Variants in DLGAP2 observed in about 807,000 individuals in gnomAD.
DLGAP2 encodes the protein DLG associated protein 2, also known as disks large-associated protein 2.
A neutral mutation model predicts 100.3 loss-of-function variants in DLGAP2; 26 were observed. The observed-to-expected ratio is 0.26, with a 90% CI of 0.19 to 0.36. The LOEUF is 0.36. Among genes scored for constraint, DLGAP2 ranks in the 10% least tolerant of loss-of-function variants. DLGAP2 has a pLI of 1.00. For missense variants in DLGAP2, 1,858 were observed against 1,453.2 expected (o/e 1.28, Z -4.53); for synonymous variants, 886 against 630.1 (o/e 1.41, Z -6.08).
intron 3 of DLGAP2, among the ~76,000 whole-genome samples, chr8:1,444,788 T>A (rs1178465774): frequency 1.4e-5 from 2 of 146,766 alleles, no homozygotes; most frequent in African/African-American, 2.5e-5. Flanking sequence ...TTTTTTTTTT[T>A]TTTTTTTTGA....
At chr8:1,310,764 TCTC>T (rs1456382571) in intron 3 of DLGAP2, among the ~76,000 whole-genome samples, 1 of 152,094 alleles carries the variant, frequency 6.6e-6, no homozygotes, top group Non-Finnish European at 1.5e-5. Flanking sequence ...TTCAGGCAAT[TCTC>T]CTGCCTCAGC....
chr8:1,019,642 G>A (rs1801572622), intron 2 of DLGAP2: 1 of 149,386 alleles, frequency 6.7e-6, no homozygotes, highest in Non-Finnish European at 1.5e-5. Flanking sequence ...CTTATTCATT[G>A]GAGCTTGAAT....
intron 1 of DLGAP2, among the ~76,000 whole-genome samples, chr8:806,409 C>T (rs555202278): frequency 1.3e-5 from 2 of 152,346 alleles, no homozygotes; most frequent in East Asian, 1.9e-4. Context: ...GCGTGCGCGT[C>T]TCTGGACTGG....
At chr8:1,507,061 A>G (rs941451144) in intron 4 of DLGAP2, among the ~76,000 whole-genome samples, 2 of 152,238 alleles carry the variant, frequency 1.3e-5, no homozygotes, top group African/African-American at 4.8e-5. Flanking sequence ...TACACATAAA[A>G]GTTCTCCAAG....
Position 979,046 on chromosome 8 carries a change from T to C in DLGAP2, c.73+71080T>C, listed in dbSNP as rs541865777. 5.9e-5 allele frequency among the ~76,000 whole-genome samples: 9 copies of C among 152,042 alleles called. No homozygotes were observed. The South Asian group carries it at 8.3e-4, about 14-fold the overall frequency. ...TCCCACACTTCATTCTCCGCAGGAG[T>C]GTTCAGGAGCATGCAGTCCGAATGC... On this transcript the variant is annotated intron_variant, in intron 2 of 14. Transcript: ENST00000637795.
At chr8:1,352,409 G>A (rs371569673) in intron 3 of DLGAP2, among the ~76,000 whole-genome samples, 18 of 152,160 alleles carry the variant, frequency 1.2e-4, no homozygotes, top group African/African-American at 2.6e-4. Flanking sequence ...TCTCCCCAGC[G>A]ACTCTCCCTG....
intron 2 of DLGAP2, among the ~76,000 whole-genome samples, chr8:974,479 A>G (rs756291170): frequency 9.2e-5 from 14 of 152,234 alleles, no homozygotes; most frequent in Admixed American, 2.6e-4. Context: ...ATATTCATCA[A>G]GATAGAATAT....
intron 3 of DLGAP2, among the ~76,000 whole-genome samples, chr8:1,297,707 CAGGG>C (rs1384521470): frequency 1.7e-5 from 2 of 119,240 alleles, no homozygotes; most frequent in Non-Finnish European, 3.5e-5. Flanking sequence ...CCACGTGAGA[CAGGG>C]AGGAGAAACG....
intron 1 of DLGAP2, among the ~76,000 whole-genome samples, chr8:861,762 G>C (rs893661499): frequency 6.6e-6 from 1 of 152,232 alleles, no homozygotes; most frequent in African/African-American, 2.4e-5. Context: ...TTGACGCGCA[G>C]CTTGTCCCAT....
intron 3 of DLGAP2, among the ~76,000 whole-genome samples, chr8:1,500,704 C>A (rs1268238731): frequency 1.3e-5 from 2 of 152,238 alleles, no homozygotes; most frequent in African/African-American, 4.8e-5. Flanking sequence ...GACCCCAAGA[C>A]CTTTTACAGC....
intron 2 of DLGAP2, among the ~76,000 whole-genome samples, chr8:1,143,975 G>A (rs1334193497): frequency 6.6e-6 from 1 of 152,222 alleles, no homozygotes; most frequent in African/African-American, 2.4e-5. Context: ...AGATAATTAG[G>A]AGGAATTTTG....
chr8:912,851 C>G (rs1268110741), intron 2 of DLGAP2, among the ~76,000 whole-genome samples: 2 of 151,480 alleles, frequency 1.3e-5, no homozygotes, highest in Non-Finnish European at 2.9e-5. Context: ...GGAGCTGACC[C>G]CCGCACCACG....
At chr8:1,234,374 C>T (rs1014298127) in intron 2 of DLGAP2, among the ~76,000 whole-genome samples, 2 of 152,138 alleles carry the variant, frequency 1.3e-5, no homozygotes, top group African/African-American at 2.4e-5. Flanking sequence ...AATTCCTGGC[C>T]ATTCCTTGGC....
At chr8:1,679,196 C>T (rs1411569090) in intron 12 of DLGAP2, among the ~76,000 whole-genome samples, 10 of 139,260 alleles carry the variant, frequency 7.2e-5, no homozygotes, top group Middle Eastern at 4.2e-3. Flanking sequence ...CATTCCTCTA[C>T]GGGAGTCACC....
chr8:1,677,828 T>A (rs1364019882), intron 11 of DLGAP2, among the ~76,000 whole-genome samples: 1 of 152,226 alleles, frequency 6.6e-6, no homozygotes, highest in African/African-American at 2.4e-5. Context: ...CAACTCAGTA[T>A]GATGTTACTA....
chr8:1,503,700 G>C (rs1472504629), intron 4 of DLGAP2, among the ~76,000 whole-genome samples: 1 of 152,176 alleles, frequency 6.6e-6, no homozygotes, highest in Non-Finnish European at 1.5e-5. Flanking sequence ...ACACTGCTTA[G>C]GGACAGGGTG....
At chr8:840,012 C>T (rs559265106) in intron 1 of DLGAP2, among the ~76,000 whole-genome samples, 3 of 145,692 alleles carry the variant, frequency 2.1e-5, no homozygotes, top group African/African-American at 7.7e-5. Context: ...CGTCTCCCCA[C>T]ACTCTGGATT....
rs1798498730 is a variant in DLGAP2 at position 1,664,642 on chromosome 8, C to G, written c.1811-3687C>G. On this transcript the variant is annotated intron_variant, in intron 8 of 14. Transcript: ENST00000637795. ...CCCTTATCAATGGTCTCTGGAAAACCCATATGGTAACAGCAACCATATGGA... is the reference window on the plus strand; with the variant it reads ...CCCTTATCAATGGTCTCTGGAAAACGCATATGGTAACAGCAACCATATGGA... Among the ~76,000 whole-genome samples, 4 of 152,304 alleles carry G rather than the reference C, an allele frequency of 2.6e-5. No homozygotes were observed. In the South Asian group the frequency reaches 8.3e-4, roughly 32 times the overall value.
intron 14 of DLGAP2, among the ~76,000 whole-genome samples, chr8:1,698,999 C>T (rs1334022107): frequency 6.6e-6 from 1 of 151,786 alleles, no homozygotes; most frequent in Non-Finnish European, 1.5e-5. Context: ...GTCCACATAA[C>T]CCATGTGTGG....
Sources: gnomAD v4.1 joint callset for allele counts (sites outside exome capture counted in the v4.1 genomes callset) on GRCh38, gnomAD v4.1.1 for gene constraint, MANE v1.5 for transcripts, NCBI Gene and HGNC (gene_info 2026-07-23, HGNC 2026-07-21) for gene names.